Variants in KLHL1 observed in about 807,000 individuals in gnomAD.
KLHL1 encodes kelch like family member 1.
KLHL1 carries 47 observed loss-of-function variants against 77.7 expected under a neutral mutation model. The ratio of observed to expected loss-of-function variants is 0.60; its 90% CI spans 0.48 to 0.77. The LOEUF is 0.77. Among genes scored for constraint, KLHL1 ranks in the 30% least tolerant of loss-of-function variants. KLHL1 has a pLI of 0.00. For missense variants in KLHL1, 925 were observed against 910.8 expected, an observed-to-expected ratio of 1.02 and a Z score of -0.20; for synonymous variants, 360 against 325.2, an observed-to-expected ratio of 1.11 and a Z score of -1.15.
intron 1 of KLHL1, among the ~76,000 whole-genome samples, chr13:70,027,335 A>T (rs1478764869): frequency 6.6e-6 from 1 of 152,080 alleles, no homozygotes; most frequent in East Asian, 1.9e-4. Flanking sequence ...ATGTATCACT[A>T]AAGAGAACCA....
intron 6 of KLHL1, among the ~76,000 whole-genome samples, chr13:69,807,478 T>C (rs1877664917): frequency 6.6e-6 from 1 of 152,018 alleles, no homozygotes; most frequent in African/African-American, 2.4e-5. Context: ...CTATTGCCTC[T>C]TACTCTTCAG....
At chr13:70,012,255 GT>G (rs1349444041) in intron 1 of KLHL1, among the ~76,000 whole-genome samples, 2 of 151,962 alleles carry the variant, frequency 1.3e-5, no homozygotes, top group African/African-American at 4.8e-5. Flanking sequence ...CTTCCTTTCA[GT>G]TTATATTTTT....
intron 7 of KLHL1, among the ~76,000 whole-genome samples, chr13:69,757,759 C>T (rs887208514): frequency 6.6e-6 from 1 of 151,704 alleles, no homozygotes; most frequent in Non-Finnish European, 1.5e-5. Context: ...TAAGACCAGC[C>T]TGGCCAAACC....
At chr13:69,754,740 T>A (rs2152779) in intron 7 of KLHL1, among the ~76,000 whole-genome samples, 9 of 152,008 alleles carry the variant, frequency 5.9e-5, no homozygotes, top group African/African-American at 1.9e-4. Flanking sequence ...GCACAATGGC[T>A]TTTCTTTTTA....
chr13:69,848,637 T>C (rs1278843410), intron 5 of KLHL1, among the ~76,000 whole-genome samples: 3 of 151,486 alleles, frequency 2.0e-5, no homozygotes, highest in Non-Finnish European at 4.4e-5. Flanking sequence ...CACTTCAAAA[T>C]GAAAACACAA....
chr13:70,030,681 G>C (rs1886075788), intron 1 of KLHL1, among the ~76,000 whole-genome samples: 1 of 152,048 alleles, frequency 6.6e-6, no homozygotes, highest in South Asian at 2.1e-4. Context: ...ACAATTAAGA[G>C]AACTAGAGAA....
chr13:69,706,044 T>C (rs936414483), intron 10 of KLHL1, among the ~76,000 whole-genome samples: 5 of 151,854 alleles, frequency 3.3e-5, no homozygotes, highest in Non-Finnish European at 5.9e-5. Context: ...CATTAATTAA[T>C]GCATGCAGGG....
intron 1 of KLHL1, among the ~76,000 whole-genome samples, chr13:70,090,539 TCTTG>T (rs1254473941): frequency 1.3e-5 from 2 of 151,978 alleles, no homozygotes; most frequent in African/African-American, 4.8e-5. Context: ...CTGCTCTTTC[TCTTG>T]CTTTCTTTGA....
chr13:69,730,678 C>A (rs1873503827), intron 8 of KLHL1, among the ~76,000 whole-genome samples: 1 of 151,976 alleles, frequency 6.6e-6, no homozygotes, highest in Admixed American at 6.6e-5. Context: ...TTCAAGTAAT[C>A]CTCTCACCTC....
chr13:69,735,636 C>G (rs1490352547), intron 8 of KLHL1, among the ~76,000 whole-genome samples: 1 of 150,088 alleles, frequency 6.7e-6, no homozygotes, highest in Non-Finnish European at 1.5e-5. Context: ...GAAAGAATAA[C>G]CATGCCAAAT....
intron 4 of KLHL1, among the ~76,000 whole-genome samples, chr13:69,931,476 G>A (rs1368354712): frequency 6.6e-6 from 1 of 151,648 alleles, no homozygotes; most frequent in Admixed American, 6.6e-5. Flanking sequence ...AAGTACATTG[G>A]TCTGGCTTTG....
intron 4 of KLHL1, among the ~76,000 whole-genome samples, chr13:69,891,935 ATAC>A (rs1881436692): frequency 6.6e-6 from 1 of 152,030 alleles, no homozygotes; most frequent in Admixed American, 6.5e-5. Context: ...CAGCTAAACA[ATAC>A]TACTTCTATT....
chr13:70,041,553 A>G, intron 1 of KLHL1, among the ~76,000 whole-genome samples: 1 of 152,188 alleles, frequency 6.6e-6, no homozygotes, highest in East Asian at 1.9e-4. Flanking sequence ...TGTTTCTACT[A>G]GGTCTATACT....
intron 8 of KLHL1, among the ~76,000 whole-genome samples, chr13:69,722,791 C>T (rs144651665): frequency 1.8e-3 from 271 of 151,986 alleles, no homozygotes; most frequent in Middle Eastern, 0.01. Context: ...GTAGATTCAC[C>T]ATATGATCCA....
At chr13:69,703,855 T>A (rs115550322) in intron 10 of KLHL1, among the ~76,000 whole-genome samples, 2,631 of 151,792 alleles carry the variant, frequency 0.017, 84 homozygotes, top group African/African-American at 0.06. Context: ...TAGTAGGCCA[T>A]ACCATCTGGG....
intron 1 of KLHL1, among the ~76,000 whole-genome samples, chr13:70,103,627 T>C (rs1466861685): frequency 6.6e-6 from 1 of 152,052 alleles, no homozygotes; most frequent in African/African-American, 2.4e-5. Context: ...ATGTGGGACA[T>C]GCATAGGAAA....
At chr13:69,853,986 C>T (rs967845974) in intron 5 of KLHL1, among the ~76,000 whole-genome samples, 1 of 151,920 alleles carries the variant, frequency 6.6e-6, no homozygotes, top group African/African-American at 2.4e-5. Flanking sequence ...AAAACCTATT[C>T]CAAATTAAAT....
chr13:69,878,434 A>G (rs937654495), intron 5 of KLHL1, among the ~76,000 whole-genome samples: 1 of 152,048 alleles, frequency 6.6e-6, no homozygotes, highest in Admixed American at 6.6e-5. Context: ...TTACCTTACA[A>G]ACACACACAA....
intron 1 of KLHL1, among the ~76,000 whole-genome samples, chr13:70,086,981 T>C (rs987673253): frequency 6.6e-6 from 1 of 152,116 alleles, no homozygotes; most frequent in South Asian, 2.1e-4. Flanking sequence ...ATGATTGATT[T>C]TGAGTCTGGA....
Sources: allele counts gnomAD v4.1 joint callset (sites outside exome capture counted in the v4.1 genomes callset), GRCh38; gene constraint gnomAD v4.1.1; transcripts MANE v1.5; gene names NCBI Gene and HGNC (gene_info 2026-07-23, HGNC 2026-07-21).